RNF170: variants seen among roughly 807,000 people sequenced by gnomAD.
RNF170 encodes ring finger protein 170, also known as E3 ubiquitin-protein ligase RNF170.
Under a neutral mutation model 32.7 loss-of-function variants are expected in RNF170, and 12 were observed. The ratio of observed to expected loss-of-function variants is 0.37; its 90% CI spans 0.24 to 0.60. RNF170 has a LOEUF of 0.60. Ranked by LOEUF, RNF170 falls within the 20% of genes least tolerant of loss-of-function variation. RNF170 has a pLI of 0.72. For synonymous variants in RNF170, 91 were observed against 103.6 expected (o/e 0.88, Z 0.74); for missense variants, 212 against 311.2 (o/e 0.68, Z 2.40).
At position 42,858,043 on chromosome 8, in the gene RNF170, A is replaced by G. The variant is rs1222703975; in HGVS notation, c.508-1615T>C. The stretch of plus-strand genomic sequence containing the variant: ...GAGCGAGACTCTGTCTCAAAAAGAA[A>G]AGAAATGAAAAGAAAAATGTTAAAT... On this transcript the variant is annotated intron_variant, in intron 6 of 6. Coordinates refer to ENST00000527424, the MANE Select transcript of RNF170 (RefSeq NM_030954.4). Among the ~76,000 whole-genome samples the G allele has an allele frequency of 1.1e-3, 167 of 152,312 alleles. 1 individual carries two copies. The highest frequency in any genetic ancestry group is 2.2e-4 in the Non-Finnish European group (15 of 68,040).
chr8:42,850,630 G>A, downstream of RNF170: 1 of 821,582 alleles, frequency 1.2e-6, no homozygotes, highest in Non-Finnish European at 1.9e-6. Flanking sequence ...GTGTTCTAGT[G>A]AGAAGCAGAC....
At chr8:42,850,710 AG>A, downstream of RNF170, 2 of 1,522,214 alleles carry the variant, frequency 1.3e-6, no homozygotes. Flanking sequence ...CCCTGGGGTA[AG>A]GGGAGGGGAG....
In RNF170 at chr8:42,856,038, G is replaced by C; in HGVS notation, c.*121C>G. ...ATGATAATCAAATGTTTGTCTTATAGTGGTTTTATATTTGTGAGATAATAC... is the reference window on the plus strand; with the variant it reads ...ATGATAATCAAATGTTTGTCTTATACTGGTTTTATATTTGTGAGATAATAC... On this transcript the variant is annotated 3_prime_UTR_variant, in exon 7 of 7. Coordinates refer to ENST00000527424, the MANE Select transcript of RNF170 (RefSeq NM_030954.4). The C allele has an allele frequency of 3.2e-6, 5 of 1,577,572 alleles. No individual in the cohort carries two copies. Among genetic ancestry groups the C allele is most frequent in the Non-Finnish European group, 4.3e-6 (5 of 1,163,200 alleles).
At position 42,853,420 on chromosome 8, in the gene RNF170, G is replaced by A; in HGVS notation, c.*2739C>T. ...ACTCTGTGAGGTAGGTATCTGCATAGCCACAAGGGATCCACATAGTCCTTT... is the reference window on the plus strand; with the variant it reads ...ACTCTGTGAGGTAGGTATCTGCATAACCACAAGGGATCCACATAGTCCTTT... On this transcript the variant is annotated 3_prime_UTR_variant, in exon 7 of 7. Coordinates refer to ENST00000527424, the MANE Select transcript of RNF170 (RefSeq NM_030954.4). 7.8e-7 allele frequency: 1 copy of A among 1,287,018 alleles called. No homozygotes were observed. The highest frequency in any genetic ancestry group is 1.0e-6 in the Non-Finnish European group (1 of 988,596). The allele number at this position is 1,287,018 out of a possible 1,614,324, so 79.7% of individuals were successfully genotyped here.
intron 1 of RNF170, 182 bp downstream of exon 1, chr8:42,896,302 G>T: frequency 2.8e-6 from 1 of 357,942 alleles, no homozygotes; most frequent in Non-Finnish European, 5.4e-6. Flanking sequence ...GGCGACTCCG[G>T]ACAGCCGCGG....
At chr8:42,897,040 G>T, upstream of RNF170, 1 of 1,014,100 alleles carries the variant, frequency 9.9e-7, no homozygotes, top group Non-Finnish European at 1.3e-6. Context: ...CGGGCCTGAG[G>T]CCGAGTCAGC....
At chr8:42,865,838 A>T (rs1804041827) in intron 4 of RNF170, among the ~76,000 whole-genome samples, 1 of 152,194 alleles carries the variant, frequency 6.6e-6, no homozygotes, top group Non-Finnish European at 1.5e-5. Context: ...TACAAAAATT[A>T]GCCGGGTGCG....
Position 42,854,373 on chromosome 8 carries a change from T to G in RNF170, c.*1786A>C. The G allele has an allele frequency of 7.8e-7, 1 of 1,287,264 alleles. No homozygotes were observed. Among genetic ancestry groups the G allele is most frequent in the Non-Finnish European group, 1.0e-6 (1 of 988,700 alleles). The allele number at this position is 1,287,264 out of a possible 1,614,324, so 79.7% of individuals were successfully genotyped here. ...CCACTTTGATCAGTTATTTGTTGTA[T>G]GACTTCATTCAAAAACACTTTCATC... On this transcript the variant is annotated 3_prime_UTR_variant, in exon 7 of 7. Coordinates refer to ENST00000527424, the MANE Select transcript of RNF170 (RefSeq NM_030954.4).
intron 2 of RNF170, among the ~76,000 whole-genome samples, chr8:42,885,773 TTC>T (rs1304118268): frequency 6.6e-6 from 1 of 152,170 alleles, no homozygotes; most frequent in Non-Finnish European, 1.5e-5. Flanking sequence ...GTTTTGTTTT[TTC>T]TGAGACAGGG....
At chr8:42,850,443 G>A (rs971003017), downstream of RNF170, 32 of 312,142 alleles carry the variant, frequency 1.0e-4, no homozygotes, top group Non-Finnish European at 1.6e-4. Flanking sequence ...AGACCTGGGC[G>A]GCAGCCATGA....
intron 2 of RNF170, among the ~76,000 whole-genome samples, chr8:42,879,670 T>A (rs1805227394): frequency 6.6e-6 from 1 of 151,784 alleles, no homozygotes; most frequent in African/African-American, 2.4e-5. Flanking sequence ...AAATAAAGAA[T>A]AAAATAACTT....
chr8:42,853,946 C>G lies in RNF170; in HGVS notation c.*2213G>C, dbSNP rs1416084635. 4 of 1,286,972 alleles carry G rather than the reference C, an allele frequency of 3.1e-6. No homozygotes were observed. Among genetic ancestry groups the G allele is most frequent in the Non-Finnish European group, 4.0e-6 (4 of 988,624 alleles). The allele number at this position is 1,286,972 out of a possible 1,614,324, so 79.7% of individuals were successfully genotyped here. ...GTAACCAGAATTGTGACACTTGGAG[C>G]AGAATGCATGCACACAAAATAAAAT... On this transcript the variant is annotated 3_prime_UTR_variant, in exon 7 of 7. Transcript: ENST00000527424.
intron 2 of RNF170, among the ~76,000 whole-genome samples, chr8:42,875,225 T>C (rs977752335): frequency 6.7e-6 from 1 of 149,592 alleles, no homozygotes; most frequent in Non-Finnish European, 1.5e-5. Context: ...GGGGTGGGGG[T>C]GAAGCGTTAC....
chr8:42,896,638 G>A (rs1806929521), upstream of RNF170: 1 of 452,770 alleles, frequency 2.2e-6, no homozygotes, highest in Non-Finnish European at 4.4e-6. Flanking sequence ...CCGAGCTTCC[G>A]CGAGGGCGCG....
chr8:42,871,520 TTA>T (rs1804521632), intron 3 of RNF170, among the ~76,000 whole-genome samples: 1 of 152,098 alleles, frequency 6.6e-6, no homozygotes, highest in African/African-American at 2.4e-5. Flanking sequence ...TTATAGTCAC[TTA>T]TGTCAGTTCT....
Position 42,855,935 on chromosome 8 carries a change from C to T in RNF170, c.*224G>A, listed in dbSNP as rs912175404. ...CAGACAACATAGAATCAAGATACAA[C>T]TGTAGATCATTATAATTCTAAACTT... On this transcript the variant is annotated 3_prime_UTR_variant, in exon 7 of 7. Coordinates refer to ENST00000527424, the MANE Select transcript of RNF170 (RefSeq NM_030954.4). The T allele has an allele frequency of 3.0e-6, 4 of 1,325,260 alleles. No homozygotes were observed. The highest frequency in any genetic ancestry group is 4.5e-5 in the Admixed American group (2 of 44,784). 82.1% of individuals were successfully genotyped at this position (1,325,260 alleles called of 1,614,324 possible).
chr8:42,873,879 C>A (rs372984008), intron 3 of RNF170, 52 bp downstream of exon 3: 3 of 985,926 alleles, frequency 3.0e-6, no homozygotes, highest in Non-Finnish European at 4.9e-6. Flanking sequence ...CACAATTTCA[C>A]ATGCAAAGGG....
At position 42,856,075 on chromosome 8, in the gene RNF170, A is replaced by T; in HGVS notation, c.*84T>A. ...TTGTGAGATAATACTCCATTGCTTC[A>T]TTGCTTTATACTGCCATGGGTCCTT... On this transcript the variant is annotated 3_prime_UTR_variant, in exon 7 of 7. Coordinates refer to ENST00000527424, the MANE Select transcript of RNF170 (RefSeq NM_030954.4). 6.2e-7 allele frequency: 1 copy of T among 1,602,494 alleles called. No individual in the cohort carries two copies. Among genetic ancestry groups the T allele is most frequent in the Non-Finnish European group, 8.5e-7 (1 of 1,175,656 alleles).
At position 42,855,292 on chromosome 8, in the gene RNF170, C is replaced by T. The variant is rs1283070740; in HGVS notation, c.*867G>A. Reference sequence around the variant, plus strand: ...TTGCCCAGGCTGGAGTGCAGTGGCGCAATCCACCTCCTGGGTTTACGCCAT... The same window carrying T: ...TTGCCCAGGCTGGAGTGCAGTGGCGTAATCCACCTCCTGGGTTTACGCCAT... On this transcript the variant is annotated 3_prime_UTR_variant, in exon 7 of 7. Coordinates refer to ENST00000527424, the MANE Select transcript of RNF170 (RefSeq NM_030954.4). The T allele has an allele frequency of 5.4e-6, 6 of 1,108,816 alleles. No individual in the cohort carries two copies. Among genetic ancestry groups the T allele is most frequent in the African/African-American group, 5.0e-5 (3 of 60,486 alleles). 68.7% of individuals were successfully genotyped at this position (1,108,816 alleles called of 1,614,324 possible).
Sources: gnomAD v4.1 joint callset for allele counts (sites outside exome capture counted in the v4.1 genomes callset) on GRCh38, gnomAD v4.1.1 for gene constraint, MANE v1.5 for transcripts, NCBI Gene and HGNC (gene_info 2026-07-23, HGNC 2026-07-21) for gene names.